ATP10B: variants seen among roughly 807,000 people sequenced by gnomAD.
ATP10B encodes phospholipid-transporting ATPase VB.
ATP10B carries 122 observed loss-of-function variants against 141.2 expected under a neutral mutation model. The observed-to-expected ratio is 0.86, with a 90% CI of 0.75 to 1.00. ATP10B has a LOEUF of 1.00. Ranked by LOEUF, ATP10B falls within the 50% of genes least tolerant of loss-of-function variation. ATP10B has a pLI of 0.00. For synonymous variants in ATP10B, 685 were observed against 692.0 expected (o/e 0.99, Z 0.16); for missense variants, 1,876 against 1,825.3 (o/e 1.03, Z -0.51).
At chr5:160,738,998 G>A (rs1040078838) in intron 2 of ATP10B, among the ~76,000 whole-genome samples, 2 of 152,130 alleles carry the variant, frequency 1.3e-5, no homozygotes, top group Non-Finnish European at 1.5e-5. Context: ...ATCAAATCTA[G>A]TAGGATGTAT....
the ATP10B span, among the ~76,000 whole-genome samples, chr5:160,924,342 C>T: frequency 6.6e-6 from 1 of 152,170 alleles, no homozygotes; most frequent in African/African-American, 2.4e-5. Context: ...TTGTGTGCTC[C>T]TTAAGTTTCA....
intron 19 of ATP10B, among the ~76,000 whole-genome samples, chr5:160,605,454 T>G (rs1757325775): frequency 6.6e-6 from 1 of 152,214 alleles, no homozygotes; most frequent in Non-Finnish European, 1.5e-5. Flanking sequence ...CTCGCCACAC[T>G]GGTTTTGTTT....
At chr5:160,856,730 A>G (rs527911965), upstream of ATP10B, among the ~76,000 whole-genome samples, 4 of 151,718 alleles carry the variant, frequency 2.6e-5, no homozygotes, top group East Asian at 5.8e-4. Flanking sequence ...TTGTATTTCT[A>G]TTTTACTGAG....
At position 160,569,699 on chromosome 5, in the gene ATP10B, A is replaced by G; in HGVS notation, c.3751-16T>C. 1 of 1,535,180 alleles carries G rather than the reference A, an allele frequency of 6.5e-7. No homozygotes were observed. Among genetic ancestry groups the G allele is most frequent in the Non-Finnish European group, 8.7e-7 (1 of 1,143,556 alleles). On this transcript the variant is annotated splice_polypyrimidine_tract_variant and intron_variant, in intron 24 of 25. Coordinates refer to ENST00000327245, the MANE Select transcript of ATP10B (RefSeq NM_025153.3). ...GGAAAATGGTCTGTGGAGGGAAATA[A>G]GCAAACACTGTTGAAGGTATAGCTG...
the ATP10B span, among the ~76,000 whole-genome samples, chr5:160,875,975 A>G: frequency 1.7e-5 from 1 of 58,706 alleles, no homozygotes; most frequent in African/African-American, 3.9e-5. Flanking sequence ...AGACAGATCA[A>G]TGAGACAGAA....
chr5:160,887,103 A>G, the ATP10B span, among the ~76,000 whole-genome samples: 5 of 152,190 alleles, frequency 3.3e-5, no homozygotes, highest in African/African-American at 7.2e-5. Context: ...ACGAATTTTC[A>G]ATTGCTGTTA....
chr5:160,881,476 C>T, the ATP10B span, among the ~76,000 whole-genome samples: 1 of 152,176 alleles, frequency 6.6e-6, no homozygotes, highest in Non-Finnish European at 1.5e-5. Flanking sequence ...TTTATCTATA[C>T]AAAAACCGGC....
At chr5:160,682,499 C>T (rs1763466424) in intron 6 of ATP10B, among the ~76,000 whole-genome samples, 1 of 152,178 alleles carries the variant, frequency 6.6e-6, no homozygotes, top group South Asian at 2.1e-4. Flanking sequence ...TGGCCTAGGT[C>T]CTGCCAGCTC....
rs1179829328 is a variant in ATP10B at position 160,687,746 on chromosome 5, C to T, written c.275+54G>A. On this transcript the variant is annotated intron_variant, in intron 5 of 25. Transcript: ENST00000327245. ...CACGACTATACTCCAGCCTGGGGAA[C>T]AGAATGAGACTCTTTCTCTAAAAAG... is the stretch of plus-strand genomic sequence containing the variant. 3.9e-6 allele frequency: 6 copies of T among 1,557,774 alleles called. No individual in the cohort carries two copies. The East Asian group carries it at 6.8e-5, about 18-fold the overall frequency.
At chr5:160,616,560 G>T (rs1758012371) in intron 16 of ATP10B, among the ~76,000 whole-genome samples, 1 of 152,204 alleles carries the variant, frequency 6.6e-6, no homozygotes. Context: ...CACCAGGCAT[G>T]GTGTCATACA....
At chr5:160,761,679 G>GT (rs1392650420) in intron 2 of ATP10B, among the ~76,000 whole-genome samples, 1 of 152,108 alleles carries the variant, frequency 6.6e-6, no homozygotes, top group African/African-American at 2.4e-5. Flanking sequence ...ACAAGTTTCC[G>GT]TAACACTCCT....
chr5:160,649,508 G>A (rs978915864), intron 7 of ATP10B, among the ~76,000 whole-genome samples: 1 of 152,182 alleles, frequency 6.6e-6, no homozygotes, highest in Non-Finnish European at 1.5e-5. Flanking sequence ...GACCTGCCTG[G>A]GTGTGGGGCT....
intron 6 of ATP10B, among the ~76,000 whole-genome samples, chr5:160,670,993 T>C (rs1164443994): frequency 6.6e-6 from 1 of 151,380 alleles, no homozygotes; most frequent in African/African-American, 2.4e-5. Context: ...GGTGAAACCC[T>C]GTCTCTACTA....
At chr5:160,572,287 C>A (rs1052101056) in intron 24 of ATP10B, among the ~76,000 whole-genome samples, 18 of 151,966 alleles carry the variant, frequency 1.2e-4, no homozygotes, top group African/African-American at 3.4e-4. Context: ...AAGAAGAAAG[C>A]AATTAGCTAA....
chr5:160,812,166 A>G (rs768115671), intron 1 of ATP10B, among the ~76,000 whole-genome samples: 1 of 152,084 alleles, frequency 6.6e-6, no homozygotes, highest in Non-Finnish European at 1.5e-5. Flanking sequence ...AAGACCATCA[A>G]CGTGGTACCT....
the ATP10B span, among the ~76,000 whole-genome samples, chr5:160,880,079 A>T: frequency 1.3e-5 from 2 of 150,430 alleles, no homozygotes; most frequent in African/African-American, 2.4e-5. Flanking sequence ...ATCACATAGA[A>T]TATATCATCT....
the ATP10B span, among the ~76,000 whole-genome samples, chr5:160,876,569 A>G: frequency 6.7e-6 from 1 of 149,830 alleles, no homozygotes; most frequent in Non-Finnish European, 1.5e-5. Context: ...GACACACAAA[A>G]CCCTTCAAAA....
the ATP10B span, among the ~76,000 whole-genome samples, chr5:160,898,336 A>T: frequency 7.7e-4 from 117 of 152,354 alleles, no homozygotes; most frequent in South Asian, 0.019. Flanking sequence ...TGGGCAAAGG[A>T]TATGAACAGA....
chr5:160,765,896 G>A (rs1387394185), intron 2 of ATP10B, among the ~76,000 whole-genome samples: 2 of 151,806 alleles, frequency 1.3e-5, no homozygotes, highest in African/African-American at 4.8e-5. Flanking sequence ...TGGACTAAGG[G>A]CATGAATAGA....
Sources: gnomAD v4.1 joint callset for allele counts (sites outside exome capture counted in the v4.1 genomes callset) on GRCh38, gnomAD v4.1.1 for gene constraint, MANE v1.5 for transcripts, NCBI Gene and HGNC (gene_info 2026-07-23, HGNC 2026-07-21) for gene names.